LRMDA: variants seen among roughly 807,000 people sequenced by gnomAD.
The protein encoded by LRMDA is leucine rich melanocyte differentiation associated.
In LRMDA, 18 loss-of-function variants were observed where a neutral mutation model predicts 29.8. The observed-to-expected ratio is 0.60, with a 90% confidence interval of 0.42 to 0.90. LRMDA has a LOEUF of 0.90. Ranked by LOEUF, LRMDA falls within the 40% of genes least tolerant of loss-of-function variation. The pLI is 0.00. For synonymous variants in LRMDA, 125 were observed against 109.4 expected, an observed-to-expected ratio of 1.14 and a Z score of -0.89; for missense variants, 273 against 273.9, an observed-to-expected ratio of 1.00 and a Z score of 0.02.
chr10:75,521,519 C>A (rs1845358735), intron 2 of LRMDA, among the ~76,000 whole-genome samples: 2 of 152,338 alleles, frequency 1.3e-5, no homozygotes, highest in South Asian at 4.1e-4. Context: ...CCGAGCCAGG[C>A]ACGGGAGAGA....
At chr10:75,434,648 G>A (rs990842722) in intron 1 of LRMDA, among the ~76,000 whole-genome samples, 3 of 152,176 alleles carry the variant, frequency 2.0e-5, no homozygotes, top group Non-Finnish European at 4.4e-5. Flanking sequence ...ATGCAGTAGC[G>A]CAATCATAGC....
chr10:76,083,231 C>G (rs748125993), intron 5 of LRMDA, among the ~76,000 whole-genome samples: 4 of 152,224 alleles, frequency 2.6e-5, no homozygotes, highest in Non-Finnish European at 4.4e-5. Context: ...CACTTCCTCT[C>G]TCTGGCTCCT....
intron 5 of LRMDA, among the ~76,000 whole-genome samples, chr10:76,244,922 G>T (rs1307609063): frequency 6.6e-6 from 1 of 152,130 alleles, no homozygotes; most frequent in Non-Finnish European, 1.5e-5. Context: ...CAGAGCTAGG[G>T]TCTGGCTTCA....
At chr10:76,450,264 A>G (rs948907307) in intron 6 of LRMDA, among the ~76,000 whole-genome samples, 4 of 152,072 alleles carry the variant, frequency 2.6e-5, no homozygotes. Context: ...AAATCGTTTC[A>G]TTGTCTTCTG....
At chr10:76,374,367 G>A (rs1354501004) in intron 6 of LRMDA, among the ~76,000 whole-genome samples, 1 of 152,304 alleles carries the variant, frequency 6.6e-6, no homozygotes, top group South Asian at 2.1e-4. Context: ...CCTAGAAAAA[G>A]AAGGTTAGAT....
At chr10:75,866,090 A>G (rs1204299919) in intron 2 of LRMDA, among the ~76,000 whole-genome samples, 1 of 152,038 alleles carries the variant, frequency 6.6e-6, no homozygotes, top group Non-Finnish European at 1.5e-5. Context: ...CTTCTATTCA[A>G]TTTTTTCCCC....
chr10:75,792,784 A>G (rs1162930102), intron 2 of LRMDA, among the ~76,000 whole-genome samples: 4 of 152,218 alleles, frequency 2.6e-5, no homozygotes, highest in Non-Finnish European at 5.9e-5. Flanking sequence ...AAAAATAGTA[A>G]TAATATCTGC....
At chr10:75,464,999 C>T (rs1003423761) in intron 2 of LRMDA, among the ~76,000 whole-genome samples, 1 of 152,180 alleles carries the variant, frequency 6.6e-6, no homozygotes, top group African/African-American at 2.4e-5. Flanking sequence ...CCAGACTTTT[C>T]GCTCCTTCCC....
At position 76,088,279 on chromosome 10, in the gene LRMDA, C is replaced by T. The variant is rs554512928; in HGVS notation, c.516+29496C>T. Among the ~76,000 whole-genome samples the T allele has an allele frequency of 5.3e-5, 8 of 152,334 alleles. No homozygotes were observed. In the South Asian group the frequency reaches 1.4e-3, roughly 28 times the overall value. ...GACAGGATGCTCCTTTCTGCTCTAT[C>T]TGTAACCATCTTCTGTCCCTGGAAT... On this transcript the variant is annotated intron_variant, in intron 5 of 6. Coordinates refer to ENST00000611255, the MANE Select transcript of LRMDA (RefSeq NM_001305581.2).
At chr10:75,989,352 G>A (rs749229698) in intron 2 of LRMDA, among the ~76,000 whole-genome samples, 18 of 152,212 alleles carry the variant, frequency 1.2e-4, no homozygotes, top group Non-Finnish European at 1.9e-4. Context: ...ACTCATGGCC[G>A]AAGGCAAAGA....
intron 2 of LRMDA, among the ~76,000 whole-genome samples, chr10:75,982,861 G>A (rs1158730990): frequency 1.3e-5 from 2 of 152,180 alleles, no homozygotes; most frequent in East Asian, 1.9e-4. Flanking sequence ...TATGTGGCAG[G>A]CATTGTTCTA....
intron 5 of LRMDA, among the ~76,000 whole-genome samples, chr10:76,299,999 T>C (rs1457829075): frequency 2.0e-5 from 3 of 152,198 alleles, no homozygotes; most frequent in South Asian, 4.2e-4. Flanking sequence ...AAACTCTAAA[T>C]CTGTTCTAAA....
chr10:75,866,062 A>G (rs1461897288), intron 2 of LRMDA, among the ~76,000 whole-genome samples: 1 of 152,186 alleles, frequency 6.6e-6, no homozygotes, highest in Non-Finnish European at 1.5e-5. Context: ...AAGGATTGAC[A>G]GAGATTTTAT....
intron 6 of LRMDA, among the ~76,000 whole-genome samples, chr10:76,440,585 G>GATGATTTCA (rs1429522246): frequency 3.9e-5 from 6 of 152,046 alleles, no homozygotes; most frequent in African/African-American, 1.4e-4. Flanking sequence ...GGTTGTGGTG[G>GATGATTTCA]ATGATTTCAG....
At chr10:75,877,920 G>A (rs753096797) in intron 2 of LRMDA, among the ~76,000 whole-genome samples, 1 of 152,126 alleles carries the variant, frequency 6.6e-6, no homozygotes, top group Non-Finnish European at 1.5e-5. Flanking sequence ...GATGAAATCG[G>A]AGGAGTTCCC....
chr10:75,549,224 G>C (rs1293263300), intron 2 of LRMDA, among the ~76,000 whole-genome samples: 1 of 152,020 alleles, frequency 6.6e-6, no homozygotes, highest in Non-Finnish European at 1.5e-5. Flanking sequence ...CCATTTGATG[G>C]CTGTTTGGAT....
intron 2 of LRMDA, among the ~76,000 whole-genome samples, chr10:75,599,650 C>T (rs1840855417): frequency 6.6e-6 from 1 of 152,172 alleles, no homozygotes; most frequent in Non-Finnish European, 1.5e-5. Context: ...CTGCGCTGCC[C>T]AGCAGACCTT....
intron 5 of LRMDA, among the ~76,000 whole-genome samples, chr10:76,154,318 T>G (rs1157825048): frequency 6.6e-6 from 1 of 152,210 alleles, no homozygotes; most frequent in African/African-American, 2.4e-5. Context: ...GTTGTCAGAT[T>G]ACGTGTCAGA....
chr10:76,133,642 T>C (rs914288667), intron 5 of LRMDA, among the ~76,000 whole-genome samples: 36 of 152,250 alleles, frequency 2.4e-4, no homozygotes, highest in African/African-American at 8.2e-4. Context: ...GCCTGGCTCC[T>C]GACAGCAGAT....
Sources: gnomAD v4.1 joint callset for allele counts (sites outside exome capture counted in the v4.1 genomes callset) on GRCh38, gnomAD v4.1.1 for gene constraint, MANE v1.5 for transcripts, NCBI Gene and HGNC (gene_info 2026-07-23, HGNC 2026-07-21) for gene names.